Variants in NOTCH3 observed in about 807,000 individuals in gnomAD.
NOTCH3 encodes the protein notch receptor 3.
NOTCH3 carries 86 observed loss-of-function variants against 213.3 expected under a neutral mutation model. That is an observed-to-expected ratio of 0.40 (90% CI 0.34 to 0.48). The LOEUF is 0.48. NOTCH3 is among the 20% of genes least tolerant of loss of function. The probability of loss-of-function intolerance (pLI) is 0.57; values close to 1 mark genes in which losing one functional copy is unlikely to be tolerated. For synonymous variants in NOTCH3, 1,354 were observed against 1,355.9 expected, an observed-to-expected ratio of 1.00 and a Z score of 0.03; for missense variants, 2,783 against 3,272.6, an observed-to-expected ratio of 0.85 and a Z score of 3.65.
At position 15,185,694 on chromosome 19, in the gene NOTCH3, A is replaced by G. The variant is rs762763599; in HGVS notation, c.1952-15T>C. 70 of 1,612,276 alleles carry G rather than the reference A, an allele frequency of 4.3e-5. No homozygotes were observed. The highest frequency in any genetic ancestry group is 5.5e-5 in the Non-Finnish European group (65 of 1,179,926). On this transcript the variant is annotated splice_polypyrimidine_tract_variant and intron_variant, in intron 12 of 32. Transcript: ENST00000263388. This position sits in a 1 kb window ranked among gnomAD's most constrained non-coding sequence, Gnocchi z 4.2. Reference sequence around the variant, plus strand: ...ACAAAGGGGCCCTGGGGAGTACACAAGCAATCTCATCTCAGAACAAAGTCA... The same window carrying G: ...ACAAAGGGGCCCTGGGGAGTACACAGGCAATCTCATCTCAGAACAAAGTCA...
chr19:15,161,995 T>TTG (rs2046648616), intron 32 of NOTCH3, among the ~76,000 whole-genome samples: 1 of 147,352 alleles, frequency 6.8e-6, no homozygotes, highest in Non-Finnish European at 1.5e-5. Context: ...TTTTTTTTTT[T>TTG]TTTTTTGACA....
chr19:15,173,760 G>GAA (rs2046762091), intron 25 of NOTCH3, among the ~76,000 whole-genome samples: 1 of 2,716 alleles, frequency 3.7e-4, no homozygotes, highest in African/African-American at 4.2e-3. Context: ...GAAGGAGAAG[G>GAA]AGAAGGAGAA....
chr19:15,189,708 G>A (rs1459331520), intron 6 of NOTCH3, among the ~76,000 whole-genome samples: 2 of 151,604 alleles, frequency 1.3e-5, no homozygotes, highest in African/African-American at 2.4e-5. Flanking sequence ...TAGTAGAAAC[G>A]GGGTTTCACC....
chr19:15,173,744 AAAG>A (rs1201168536), intron 25 of NOTCH3, among the ~76,000 whole-genome samples: 2 of 2,948 alleles, frequency 6.8e-4, no homozygotes, highest in East Asian at 4.7e-3. Flanking sequence ...AAAAAAAAGA[AAAG>A]AAGAAGGAGA....
At chr19:15,172,367 T>C (rs1021367119) in intron 25 of NOTCH3, among the ~76,000 whole-genome samples, 1 of 152,204 alleles carries the variant, frequency 6.6e-6, no homozygotes, top group Non-Finnish European at 1.5e-5. Flanking sequence ...AGGTATCTCC[T>C]TGGAGGCCTT....
chr19:15,165,717 C>A lies in NOTCH3; in HGVS notation c.5667+70G>T. ...GAAAAAATGAGTCTGAAAGGCAGAACTGGGGCTCAAACCCAGGTAAGTCTA... is the reference window on the plus strand; with the variant it reads ...GAAAAAATGAGTCTGAAAGGCAGAAATGGGGCTCAAACCCAGGTAAGTCTA... On this transcript the variant is annotated intron_variant, in intron 30 of 32. Coordinates refer to ENST00000263388, the MANE Select transcript of NOTCH3 (RefSeq NM_000435.3). The surrounding 1 kb of genome is among the most constrained non-coding windows in gnomAD (Gnocchi z 4.7). 1.9e-6 allele frequency: 3 copies of A among 1,557,534 alleles called. No individual in the cohort carries two copies. The highest frequency in any genetic ancestry group is 1.7e-5 in the Admixed American group (1 of 59,026).
At chr19:15,167,177 C>G in intron 29 of NOTCH3, 72 bp downstream of exon 29, 1 of 1,528,952 alleles carries the variant, frequency 6.5e-7, no homozygotes, top group Non-Finnish European at 9.0e-7. Flanking sequence ...CCCCAAAACA[C>G]AGAGTCAGAA....
At chr19:15,178,984 G>A in intron 22 of NOTCH3, 41 bp downstream of exon 22, 1 of 1,614,152 alleles carries the variant, frequency 6.2e-7, no homozygotes, top group South Asian at 1.1e-5. Context: ...ATGGGGGAAT[G>A]ACAGGCGGGG....
chr19:15,197,441 G>GGGGCGGCCC, intron 2 of NOTCH3, 59 bp downstream of exon 2: 2 of 768,362 alleles, frequency 2.6e-6, no homozygotes, highest in East Asian at 2.7e-5. Flanking sequence ...AAGACAAATC[G>GGGGCGGCCC]CCCCTCCCCC....
At chr19:15,184,842 A>T in intron 15 of NOTCH3, 64 bp downstream of exon 15, 1 of 950,954 alleles carries the variant, frequency 1.1e-6, no homozygotes, top group Admixed American at 2.1e-5. Flanking sequence ...CCCCAGCATC[A>T]TCCCTGATAG....
intron 25 of NOTCH3, among the ~76,000 whole-genome samples, chr19:15,173,045 C>CCTCCTCCT (rs375420994): frequency 7.8e-5 from 2 of 25,730 alleles, no homozygotes; most frequent in East Asian, 1.3e-3. Flanking sequence ...CCCTCCCCCT[C>CCTCCTCCT]CCTCCTCCCT....
At chr19:15,162,419 C>T (rs199735903) in intron 32 of NOTCH3, 46 bp downstream of exon 32, 889 of 1,316,348 alleles carry the variant, frequency 6.8e-4, no homozygotes, top group African/African-American at 2.7e-3. Flanking sequence ...ATTGCAATGG[C>T]ACTGTGCCAC....
Position 15,160,881 on chromosome 19 carries a change from G to A in NOTCH3, c.6747C>T (p.Pro2249=), listed in dbSNP as rs769454994. 40 of 1,613,208 alleles carry A rather than the reference G, an allele frequency of 2.5e-5. No homozygotes were observed. Among genetic ancestry groups the A allele is most frequent in the Admixed American group, 1.5e-4 (9 of 59,966 alleles). Residue 2249 remains proline (P), a synonymous_variant, in exon 33 of 33, where the codon CCC becomes CCT. Transcript: ENST00000263388. ...GGCTGGCCCAGTGCTCAGGGGATTCGGGGGATGGGGTCAGGTAAGGGTGCT... is the reference window on the plus strand; with the variant it reads ...GGCTGGCCCAGTGCTCAGGGGATTCAGGGGATGGGGTCAGGTAAGGGTGCT... ...PSEHPYLTPS[P]ESPEHWASPS...
At position 15,160,986 on chromosome 19, in the gene NOTCH3, G is replaced by A. The variant is rs1222839091; in HGVS notation, c.6642C>T (p.Val2214=). Residue 2214 remains valine (V), a synonymous_variant, in exon 33 of 33, where the codon GTC becomes GTT. Transcript: ENST00000263388. ...PQERPPPYLA[V]PGHGEEYPAA... ...CCGGGTACTCCTCGCCATGTCCTGG[G>A]ACTGCCAGGTAAGGCGGGGGCCGCT... 1 of 1,563,978 alleles carries A rather than the reference G, an allele frequency of 6.4e-7. No homozygotes were observed. Among genetic ancestry groups the A allele is most frequent in the Non-Finnish European group, 8.7e-7 (1 of 1,155,198 alleles).
intron 11 of NOTCH3, 29 bp from the exon 12 acceptor site, chr19:15,187,017 G>T (rs2046887322): frequency 1.9e-6 from 3 of 1,610,238 alleles, no homozygotes; most frequent in African/African-American, 2.7e-5. Context: ...GCATGGAGTG[G>T]CCACCACTGT....
intron 23 of NOTCH3, chr19:15,178,328 C>T: frequency 1.9e-6 from 1 of 532,654 alleles, no homozygotes; most frequent in Non-Finnish European, 3.3e-6. Context: ...GGAGGCCACG[C>T]CCCCCAATCA....
Position 15,178,810 on chromosome 19 carries a change from C to T in NOTCH3, c.3837+13G>A, listed in dbSNP as rs2046813699. ...CCCCTACTCCTCCTCCAAAGGCCGC[C>T]ACCCACACCTACCTGGGCACAGTGA... On this transcript the variant is annotated intron_variant, in intron 23 of 32. Transcript: ENST00000263388. 3 of 1,577,848 alleles carry T rather than the reference C, an allele frequency of 1.9e-6. No homozygotes were observed. The highest frequency in any genetic ancestry group is 1.8e-5 in the Admixed American group (1 of 55,424).
chr19:15,198,707 C>T (rs1027671194), intron 1 of NOTCH3, among the ~76,000 whole-genome samples: 15 of 152,200 alleles, frequency 9.9e-5, no homozygotes, highest in Non-Finnish European at 1.5e-4. Flanking sequence ...GCCGAGATCA[C>T]GCCATTGCAC....
chr19:15,184,454 G>A lies in NOTCH3; in HGVS notation c.2411-4C>T. 2 of 1,613,714 alleles carry A rather than the reference G, an allele frequency of 1.2e-6. No individual in the cohort carries two copies. Among genetic ancestry groups the A allele is most frequent in the South Asian group, 1.1e-5 (1 of 91,054 alleles). The stretch of plus-strand genomic sequence containing the variant: ...ACATCCTGCTGGCATCGTGGGCCTG[G>A]GGGTAGGGAGCAAGGTTACACCTAG... On this transcript the variant is annotated splice_polypyrimidine_tract_variant and splice_region_variant and intron_variant, in intron 15 of 32. Transcript: ENST00000263388.
Sources: allele counts gnomAD v4.1 joint callset (sites outside exome capture counted in the v4.1 genomes callset), GRCh38; gene constraint gnomAD v4.1.1; non-coding constraint Gnocchi (gnomAD v3.1); transcripts MANE v1.5; gene names NCBI Gene and HGNC (gene_info 2026-07-23, HGNC 2026-07-21).